CDH1: variants seen among roughly 807,000 people sequenced by gnomAD.
CDH1 encodes the protein cadherin-1.
A neutral mutation model predicts 84.5 loss-of-function variants in CDH1; 35 were observed. The observed-to-expected ratio is 0.41, with a 90% CI of 0.32 to 0.55. The LOEUF (loss-of-function observed/expected upper bound fraction) is 0.55. Ranked by LOEUF, CDH1 falls within the 20% of genes least tolerant of loss-of-function variation. The pLI, the probability that CDH1 is intolerant of heterozygous loss-of-function variation, is 0.19. For missense variants in CDH1, 994 were observed against 1,126.6 expected (o/e 0.88, Z 1.68); for synonymous variants, 417 against 439.0 (o/e 0.95, Z 0.63).
chr16:68,812,509 C>T (rs1436115180), intron 8 of CDH1, among the ~76,000 whole-genome samples: 4 of 152,200 alleles, frequency 2.6e-5, no homozygotes, highest in Admixed American at 2.0e-4. Context: ...ATTTCATAGT[C>T]TCATGGTACA....
At chr16:68,830,115 C>T (rs1174415927) in intron 15 of CDH1, among the ~76,000 whole-genome samples, 1 of 151,878 alleles carries the variant, frequency 6.6e-6, no homozygotes, top group Non-Finnish European at 1.5e-5. Flanking sequence ...CCACCACACT[C>T]AGCTAATTTT....
At chr16:68,750,208 G>A (rs910687863) in intron 2 of CDH1, among the ~76,000 whole-genome samples, 11 of 110,936 alleles carry the variant, frequency 9.9e-5, no homozygotes, top group African/African-American at 3.4e-4. Flanking sequence ...AGTTTCAGCC[G>A]GTTTCCCTCT....
intron 2 of CDH1, among the ~76,000 whole-genome samples, chr16:68,799,578 A>G (rs950012722): frequency 1.3e-5 from 2 of 152,064 alleles, no homozygotes; most frequent in African/African-American, 4.8e-5. Flanking sequence ...AGGTTGCATG[A>G]GGAGATAATG....
chr16:68,797,189 C>G (rs1960385353), intron 2 of CDH1, among the ~76,000 whole-genome samples: 2 of 152,026 alleles, frequency 1.3e-5, no homozygotes, highest in South Asian at 2.1e-4. Flanking sequence ...AAGTTCATGA[C>G]CAGGCTTGGC....
chr16:68,793,801 A>G (rs1960276661), intron 2 of CDH1, among the ~76,000 whole-genome samples: 1 of 152,122 alleles, frequency 6.6e-6, no homozygotes, highest in African/African-American at 2.4e-5. Flanking sequence ...CTGAGGCAGG[A>G]GAATCCCTCG....
At chr16:68,799,615 T>C (rs1164517318) in intron 2 of CDH1, among the ~76,000 whole-genome samples, 2 of 152,074 alleles carry the variant, frequency 1.3e-5, no homozygotes, top group East Asian at 3.9e-4. Flanking sequence ...GGAATTCAGG[T>C]TGGGGCTCCC....
Position 68,822,133 on chromosome 16 carries a change from T to C in CDH1, c.1844T>C (p.Ile615Thr), listed in dbSNP as rs760707493. Reference sequence around the variant, plus strand: ...CCAAAGCCTCAGGTCATAAACATCATTGATGCAGACCTTCCTCCCAATACA... The same window carrying C: ...CCAAAGCCTCAGGTCATAAACATCACTGATGCAGACCTTCCTCCCAATACA... ...RNPKPQVINIIDADLPPNTSP... is the reference protein window; with the variant it reads ...RNPKPQVINITDADLPPNTSP... Residue 615 changes from isoleucine (I) to threonine (T), a missense_variant, in exon 12 of 16, where the codon ATT (isoleucine) becomes ACT (threonine). Transcript: ENST00000261769. 5.0e-6 allele frequency: 8 copies of C among 1,614,056 alleles called. No homozygotes were observed. Among genetic ancestry groups the C allele is most frequent in the African/African-American group, 2.7e-5 (2 of 74,916 alleles).
At chr16:68,784,154 T>C (rs1402690329) in intron 2 of CDH1, among the ~76,000 whole-genome samples, 1 of 152,142 alleles carries the variant, frequency 6.6e-6, no homozygotes, top group African/African-American at 2.4e-5. Context: ...GTCCTAAAAA[T>C]GGGCTTTGCT....
chr16:68,750,086 A>C (rs1221903773), intron 2 of CDH1, among the ~76,000 whole-genome samples: 1 of 147,094 alleles, frequency 6.8e-6, no homozygotes, highest in East Asian at 2.0e-4. Context: ...TGCTGGGATT[A>C]CAGGTGTGAG....
chr16:68,804,450 C>A (rs972560015), intron 3 of CDH1, among the ~76,000 whole-genome samples: 2 of 152,138 alleles, frequency 1.3e-5, no homozygotes, highest in African/African-American at 4.8e-5. Flanking sequence ...GAATTCTCCA[C>A]AAGCAACACT....
At chr16:68,793,204 G>C (rs2152124004) in intron 2 of CDH1, among the ~76,000 whole-genome samples, 1 of 152,332 alleles carries the variant, frequency 6.6e-6, no homozygotes, top group South Asian at 2.1e-4. Flanking sequence ...TGGCAGTTTA[G>C]AGGAACTTTG....
intron 2 of CDH1, among the ~76,000 whole-genome samples, chr16:68,745,287 G>A (rs1397220287): frequency 6.6e-6 from 1 of 151,428 alleles, no homozygotes; most frequent in Admixed American, 6.6e-5. Context: ...TTTGAGACCA[G>A]CCTGGGCAAC....
At chr16:68,828,885 T>C (rs949336204) in intron 14 of CDH1, among the ~76,000 whole-genome samples, 12 of 152,280 alleles carry the variant, frequency 7.9e-5, no homozygotes, top group African/African-American at 2.9e-4. Flanking sequence ...TGTTTTTGAC[T>C]GAGGCCACAG....
At chr16:68,823,865 C>T (rs754809151) in intron 13 of CDH1, among the ~76,000 whole-genome samples, 3 of 152,074 alleles carry the variant, frequency 2.0e-5, no homozygotes, top group Non-Finnish European at 4.4e-5. Flanking sequence ...GTTTCTTCTA[C>T]CTTGTCTCTT....
rs747801796 is a variant in CDH1, at chr16:68,819,357, T to C, written c.1643T>C (p.Leu548Pro). The change falls in exon 11 of 16, where the codon CTG becomes CCG. Residue 548 changes from leucine (L) to proline (P), a missense_variant. By Grantham distance (98) the Leu-to-Pro change is moderately conservative. Around this residue, in one of 3 missense-constraint regions of CDH1, gnomAD observed 769 missense variants for 881.8 expected, o/e 0.87. Coordinates refer to ENST00000261769, the MANE Select transcript of CDH1 (RefSeq NM_004360.5). ...GGTGCCATTTCCACTCGGGCTGAGCTGGACAGGGAGGATTTTGAGCACGTG... is the reference window on the plus strand; with the variant it reads ...GGTGCCATTTCCACTCGGGCTGAGCCGGACAGGGAGGATTTTGAGCACGTG... ...DTGAISTRAE[L>P]DREDFEHVKN... The C allele has an allele frequency of 6.2e-7, 1 of 1,614,080 alleles. No homozygotes were observed. The highest frequency in any genetic ancestry group is 2.2e-5 in the East Asian group (1 of 44,882).
chr16:68,817,703 G>C (rs1961018602), intron 10 of CDH1, among the ~76,000 whole-genome samples: 1 of 151,940 alleles, frequency 6.6e-6, no homozygotes, highest in Non-Finnish European at 1.5e-5. Flanking sequence ...TCTAAATTTT[G>C]AGGAATAATC....
chr16:68,831,218 A>G (rs1256290923), intron 15 of CDH1, among the ~76,000 whole-genome samples: 1 of 149,532 alleles, frequency 6.7e-6, no homozygotes, highest in Non-Finnish European at 1.5e-5. Flanking sequence ...AGCTGTGCCT[A>G]CAGGCACCTG....
At chr16:68,821,933 C>A in intron 11 of CDH1, 68 bp from the exon 12 acceptor site, 1 of 1,236,644 alleles carries the variant, frequency 8.1e-7, no homozygotes, top group South Asian at 1.2e-5. Context: ...TAGACTTGGT[C>A]TGGTGGAAGG....
At chr16:68,776,835 C>T (rs1475736411) in intron 2 of CDH1, among the ~76,000 whole-genome samples, 1 of 152,196 alleles carries the variant, frequency 6.6e-6, no homozygotes, top group African/African-American at 2.4e-5. Flanking sequence ...ACATTATATA[C>T]TTTCTCATGT....
Sources: allele counts gnomAD v4.1 joint callset (sites outside exome capture counted in the v4.1 genomes callset), GRCh38; gene constraint gnomAD v4.1.1; regional missense constraint gnomAD v4.1.1; transcripts MANE v1.5; gene names NCBI Gene and HGNC (gene_info 2026-07-23, HGNC 2026-07-21).